The following CCDC88C variants were observed in gnomAD, a reference collection of about 807,000 sequenced individuals.
CCDC88C encodes coiled-coil and HOOK domain protein 88C.
A neutral mutation model predicts 198.8 loss-of-function variants in CCDC88C; 131 were observed. That is an observed-to-expected ratio of 0.66 (90% CI 0.57 to 0.76). CCDC88C has a LOEUF of 0.76. Among genes scored for constraint, CCDC88C ranks in the 30% least tolerant of loss-of-function variants. CCDC88C has a pLI of 0.00. For synonymous variants in CCDC88C, 1,166 were observed against 1,114.7 expected (o/e 1.05, Z -0.92); for missense variants, 2,553 against 2,631.6 (o/e 0.97, Z 0.65).
In CCDC88C at chr14:91,285,933, A is replaced by G. The variant is rs1178586572; in HGVS notation, c.4442-2416T>C. 3 of 663,352 alleles carry G rather than the reference A, an allele frequency of 4.5e-6. No individual in the cohort carries two copies. In the Admixed American group the frequency reaches 9.8e-5, roughly 22 times the overall value. The allele number at this position is 663,352 out of a possible 1,614,324, so 41.1% of individuals were successfully genotyped here. On this transcript the variant is annotated intron_variant, in intron 25 of 29. Coordinates refer to ENST00000389857, the MANE Select transcript of CCDC88C (RefSeq NM_001080414.4). Reference sequence around the variant, plus strand: ...AATGACAAATGAATCGAAATTAGCTAAATGTACTTAAGAAATCAGAATCCC... The same window carrying G: ...AATGACAAATGAATCGAAATTAGCTGAATGTACTTAAGAAATCAGAATCCC...
intron 15 of CCDC88C, 81 bp from the exon 16 acceptor site, chr14:91,310,067 G>A (rs1308395820): frequency 2.2e-6 from 3 of 1,392,164 alleles, no homozygotes; most frequent in African/African-American, 1.4e-5. Flanking sequence ...GCCCGGGTGT[G>A]AGCAACTGTC....
intron 22 of CCDC88C, among the ~76,000 whole-genome samples, chr14:91,295,062 G>T (rs1472504474): frequency 6.6e-6 from 1 of 152,136 alleles, no homozygotes; most frequent in Non-Finnish European, 1.5e-5. Context: ...TGGGCTCATG[G>T]GGCCACCGTA....
chr14:91,382,097 G>A (rs1884832595), intron 3 of CCDC88C, among the ~76,000 whole-genome samples: 1 of 152,160 alleles, frequency 6.6e-6, no homozygotes, highest in African/African-American at 2.4e-5. Flanking sequence ...TAAATACAGA[G>A]ACAAGTCACA....
intron 3 of CCDC88C, among the ~76,000 whole-genome samples, chr14:91,363,928 G>C (rs1894419499): frequency 6.6e-6 from 1 of 152,266 alleles, no homozygotes; most frequent in Non-Finnish European, 1.5e-5. Flanking sequence ...CACTCACTTG[G>C]AGGCTGCAGC....
chr14:91,412,050 C>G (rs908119375), intron 2 of CCDC88C, among the ~76,000 whole-genome samples: 2 of 151,558 alleles, frequency 1.3e-5, no homozygotes, highest in Non-Finnish European at 2.9e-5. Context: ...GTAACCTTGC[C>G]CCCCTCCTTT....
rs61183857 is a variant in CCDC88C at position 91,318,917 on chromosome 14, C to CAAAAAAAAAA, written c.1527+2193_1527+2202dup. 1.8e-4 allele frequency among the ~76,000 whole-genome samples: 19 copies of CAAAAAAAAAA among 105,286 alleles called. 8 individuals are homozygous for CAAAAAAAAAA. The highest frequency in any genetic ancestry group is 2.2e-4 in the Non-Finnish European group (12 of 53,404). 69.1% of individuals were successfully genotyped at this position (105,286 alleles called of 152,430 possible). A position where few individuals can be genotyped will look rare whatever the true frequency, so the allele number is the denominator to read the frequency against. ...CTGGACAACAGAGCGAGACTCCGTCCAAAAAAAAAAAAAAAAAAAAAGAAC... is the reference window on the plus strand; with the variant it reads ...CTGGACAACAGAGCGAGACTCCGTCCAAAAAAAAAAAAAAAAAAAAAAAAAAAAAAAGAAC... On this transcript the variant is annotated intron_variant, in intron 13 of 29. Coordinates refer to ENST00000389857, the MANE Select transcript of CCDC88C (RefSeq NM_001080414.4).
At chr14:91,361,646 C>T (rs543709135) in intron 3 of CCDC88C, among the ~76,000 whole-genome samples, 2 of 152,312 alleles carry the variant, frequency 1.3e-5, no homozygotes, top group African/African-American at 2.4e-5. Context: ...GTGTCAGCAA[C>T]GGCTAATGCT....
At chr14:91,295,709 A>G (rs1020617388) in intron 22 of CCDC88C, among the ~76,000 whole-genome samples, 1 of 152,336 alleles carries the variant, frequency 6.6e-6, no homozygotes, top group Non-Finnish European at 1.5e-5. Context: ...CTCCGAGCAC[A>G]GCCACGCCCT....
intron 14 of CCDC88C, among the ~76,000 whole-genome samples, chr14:91,314,525 C>G (rs1402872948): frequency 6.6e-6 from 1 of 152,222 alleles, no homozygotes; most frequent in Non-Finnish European, 1.5e-5. Flanking sequence ...ACTGTGAACA[C>G]TTTGCACATG....
In CCDC88C at chr14:91,284,600, G is replaced by A. The variant is rs1382049823; in HGVS notation, c.4442-1083C>T. On this transcript the variant is annotated intron_variant, in intron 25 of 29. Transcript: ENST00000389857. This position sits in a 1 kb window ranked among gnomAD's most constrained non-coding sequence, Gnocchi z 4.1. Reference sequence around the variant, plus strand: ...CACAATTCCAACAGCATGCGCGGAAGGCAGGTCTGGAGGACCCGGCACCAC... The same window carrying A: ...CACAATTCCAACAGCATGCGCGGAAAGCAGGTCTGGAGGACCCGGCACCAC... 6.6e-6 allele frequency among the ~76,000 whole-genome samples: 1 copy of A among 152,220 alleles called. No individual in the cohort carries two copies. The highest frequency in any genetic ancestry group is 1.5e-5 in the Non-Finnish European group (1 of 68,038).
chr14:91,392,764 C>G (rs28718172), intron 3 of CCDC88C, among the ~76,000 whole-genome samples: 4 of 148,970 alleles, frequency 2.7e-5, no homozygotes, highest in African/African-American at 1.0e-4. Flanking sequence ...TCACTCTCAC[C>G]GCGCCCCTCA....
In CCDC88C at chr14:91,325,921, C is replaced by T. The variant is rs1382310976; in HGVS notation, c.1186G>A (p.Asp396Asn). Residue 396 changes from aspartate to asparagine, a missense_variant, in exon 11 of 30, where the codon GAC becomes AAC. Physicochemically the swap from Asp to Asn is conservative, Grantham distance 23. Coordinates refer to ENST00000389857, the MANE Select transcript of CCDC88C (RefSeq NM_001080414.4). This position sits in a 1 kb window ranked among gnomAD's most constrained non-coding sequence, Gnocchi z 4.1. Reference protein sequence around the residue: ...ENLQLKSKLHDLELDRDTDKK... With the variant: ...ENLQLKSKLHNLELDRDTDKK... Reference sequence around the variant, plus strand: ...ACAGCCTGCAGTACCAATTCCAGGTCGTGAAGCTTGGATTTCAGCTGCAGG... The same window carrying T: ...ACAGCCTGCAGTACCAATTCCAGGTTGTGAAGCTTGGATTTCAGCTGCAGG... 1.7e-5 allele frequency: 27 copies of T among 1,552,214 alleles called. 1 individual carries two copies. The highest frequency in any genetic ancestry group is 7.3e-5 in the East Asian group (3 of 41,006).
intron 10 of CCDC88C, among the ~76,000 whole-genome samples, chr14:91,334,127 TC>T (rs1892951628): frequency 6.6e-6 from 1 of 152,228 alleles, no homozygotes; most frequent in African/African-American, 2.4e-5. Context: ...TTATCACATA[TC>T]CATCAATCTA....
intron 3 of CCDC88C, among the ~76,000 whole-genome samples, chr14:91,362,172 C>T (rs561306667): frequency 1.1e-3 from 161 of 150,510 alleles, no homozygotes; most frequent in African/African-American, 3.9e-3. Context: ...AGGCAAAGGT[C>T]GCAGGGAGCC....
chr14:91,319,678 C>T (rs968325763), intron 13 of CCDC88C, among the ~76,000 whole-genome samples: 13 of 152,110 alleles, frequency 8.5e-5, no homozygotes, highest in Non-Finnish European at 1.6e-4. Context: ...TACTATGTGC[C>T]GAATCCGTCA....
intron 3 of CCDC88C, among the ~76,000 whole-genome samples, chr14:91,385,875 C>T (rs1885101440): frequency 1.3e-5 from 2 of 152,096 alleles, no homozygotes; most frequent in South Asian, 2.1e-4. Flanking sequence ...CTGCCTATGA[C>T]ACATCTCCAC....
intron 22 of CCDC88C, 59 bp downstream of exon 22, chr14:91,297,246 G>A: frequency 6.5e-7 from 1 of 1,547,628 alleles, no homozygotes; most frequent in Non-Finnish European, 8.8e-7. Context: ...CTGAGCCCTG[G>A]GCTGTCCCCT....
At chr14:91,293,493 T>TGCCC (rs1890819579) in intron 23 of CCDC88C, among the ~76,000 whole-genome samples, 2 of 80,780 alleles carry the variant, frequency 2.5e-5, no homozygotes, top group South Asian at 3.1e-4. Flanking sequence ...CACCTTCCCA[T>TGCCC]CCTCACCTGC....
intron 3 of CCDC88C, among the ~76,000 whole-genome samples, chr14:91,362,933 A>T (rs1184606778): frequency 7.1e-6 from 1 of 140,312 alleles, no homozygotes; most frequent in Non-Finnish European, 1.5e-5. Context: ...CATCTCAGGA[A>T]AAAAAAAAAA....
Sources: allele counts gnomAD v4.1 joint callset (sites outside exome capture counted in the v4.1 genomes callset), GRCh38; gene constraint gnomAD v4.1.1; non-coding constraint Gnocchi (gnomAD v3.1); transcripts MANE v1.5; gene names NCBI Gene and HGNC (gene_info 2026-07-23, HGNC 2026-07-21).